LUC7L2: variants seen among roughly 807,000 people sequenced by gnomAD.
LUC7L2 encodes the protein LUC7 like 2, pre-mRNA splicing factor.
In LUC7L2, 25 loss-of-function variants were observed where a neutral mutation model predicts 52.8. That is an observed-to-expected ratio of 0.47 (90% CI 0.34 to 0.66). LUC7L2 has a LOEUF of 0.66. LUC7L2 is among the 30% of genes least tolerant of loss of function. The pLI is 0.01. For synonymous variants in LUC7L2, 144 were observed against 160.9 expected (o/e 0.89, Z 0.80); for missense variants, 328 against 497.8 (o/e 0.66, Z 3.25).
chr7:139,392,036 C>G (rs1339127546), intron 2 of LUC7L2, among the ~76,000 whole-genome samples: 1 of 152,164 alleles, frequency 6.6e-6, no homozygotes, highest in African/African-American at 2.4e-5. Context: ...GCCACCTTCT[C>G]TTTTCTCCAC....
At position 139,402,157 on chromosome 7, in the gene LUC7L2, A is replaced by G. The variant is rs149194310; in HGVS notation, c.276A>G (p.Ser92=). ...FELDAMDHLQ[S]FIADCDRRTE... is the part of the protein sequence containing the mutation. Reference sequence around the variant, plus strand: ...TGTAGGCCATGGATCATCTGCAGTCATTCATTGCAGATTGTGATCGTAGAA... The same window carrying G: ...TGTAGGCCATGGATCATCTGCAGTCGTTCATTGCAGATTGTGATCGTAGAA... Residue 92 remains serine, a synonymous_variant, in exon 4 of 10, where the codon TCA becomes TCG. Transcript: ENST00000354926. 7.0e-3 allele frequency: 11,270 copies of G among 1,604,890 alleles called. 48 individuals are homozygous for G. Among genetic ancestry groups the G allele is most frequent in the Non-Finnish European group, 8.8e-3 (10,393 of 1,177,384 alleles).
chr7:139,382,396 A>ATTTT (rs35262956), intron 2 of LUC7L2, among the ~76,000 whole-genome samples: 1 of 150,654 alleles, frequency 6.6e-6, no homozygotes, highest in South Asian at 2.1e-4. Flanking sequence ...TTATTTATTT[A>ATTTT]TTTTTTGAGA....
chr7:139,365,285 C>T (rs1173201107), intron 1 of LUC7L2, among the ~76,000 whole-genome samples: 1 of 152,160 alleles, frequency 6.6e-6, no homozygotes, highest in Non-Finnish European at 1.5e-5. Context: ...GTTTAGTTCT[C>T]CTCAAGTAAG....
At chr7:139,343,013 T>A (rs1200831249) in intron 1 of LUC7L2, among the ~76,000 whole-genome samples, 2 of 152,214 alleles carry the variant, frequency 1.3e-5, no homozygotes, top group African/African-American at 4.8e-5. Flanking sequence ...AAACCTACCC[T>A]TTCTCCACAG....
intron 8 of LUC7L2, 69 bp from the exon 9 acceptor site, chr7:139,417,464 TAAAGA>T (rs1795672528): frequency 1.3e-6 from 2 of 1,532,224 alleles, no homozygotes; most frequent in African/African-American, 2.8e-5. Context: ...AGTTTCTCTT[TAAAGA>T]AAAGGCTTTA....
chr7:139,371,039 C>T (rs1800425114), intron 1 of LUC7L2, among the ~76,000 whole-genome samples: 1 of 151,582 alleles, frequency 6.6e-6, no homozygotes. Context: ...CTGTCCTGTC[C>T]CAAGCCCACT....
At chr7:139,343,946 AG>A in intron 1 of LUC7L2, among the ~76,000 whole-genome samples, 1 of 150,566 alleles carries the variant, frequency 6.6e-6, no homozygotes, top group African/African-American at 2.4e-5. Flanking sequence ...AAAAAAAAAA[AG>A]AGTTGGTGGG....
chr7:139,359,417 C>A (rs990227668), upstream of LUC7L2: 5 of 166,220 alleles, frequency 3.0e-5, no homozygotes, highest in Admixed American at 3.2e-4. Flanking sequence ...CCGGCGGCGG[C>A]GAGACAGGCC....
intron 2 of LUC7L2, among the ~76,000 whole-genome samples, chr7:139,388,276 G>A (rs1338439314): frequency 6.6e-6 from 1 of 151,876 alleles, no homozygotes; most frequent in Non-Finnish European, 1.5e-5. Context: ...GGTCAGAAAT[G>A]GTTATAAAAA....
chr7:139,391,332 TG>T (rs1794440345), intron 2 of LUC7L2, among the ~76,000 whole-genome samples: 1 of 152,224 alleles, frequency 6.6e-6, no homozygotes. Flanking sequence ...GTTCAGGATC[TG>T]GTTCTTAGAA....
chr7:139,387,040 A>G (rs1585102157), intron 2 of LUC7L2, among the ~76,000 whole-genome samples: 1 of 151,730 alleles, frequency 6.6e-6, no homozygotes, highest in Non-Finnish European at 1.5e-5. Flanking sequence ...GGGTTTCACC[A>G]TGTTGGCCAG....
chr7:139,358,749 ATC>A, upstream of LUC7L2, among the ~76,000 whole-genome samples: 1 of 152,102 alleles, frequency 6.6e-6, no homozygotes, highest in Non-Finnish European at 1.5e-5. Context: ...CAGTGGCGTC[ATC>A]TCGACTCACT....
intron 7 of LUC7L2, among the ~76,000 whole-genome samples, chr7:139,411,881 T>A (rs553162892): frequency 6.6e-6 from 1 of 152,012 alleles, no homozygotes; most frequent in Non-Finnish European, 1.5e-5. Context: ...ATGACAGATA[T>A]AAAAGAATTT....
At chr7:139,356,253 T>C (rs2131164951), upstream of LUC7L2, among the ~76,000 whole-genome samples, 1 of 138,302 alleles carries the variant, frequency 7.2e-6, no homozygotes, top group African/African-American at 2.6e-5. Context: ...AAGGCTGCAG[T>C]GAGCCAAGGC....
chr7:139,352,627 C>T (rs1455940854), intron 1 of LUC7L2, among the ~76,000 whole-genome samples: 2 of 152,318 alleles, frequency 1.3e-5, no homozygotes, highest in East Asian at 3.9e-4. Context: ...GTCATTTCTC[C>T]TCTCCACAAA....
At chr7:139,408,824 A>G (rs932711527) in intron 6 of LUC7L2, among the ~76,000 whole-genome samples, 1 of 148,514 alleles carries the variant, frequency 6.7e-6, no homozygotes, top group African/African-American at 2.5e-5. Context: ...CCTGGGCGAC[A>G]GAGCGAGACT....
chr7:139,340,740 C>T (rs1798899522), intron 1 of LUC7L2: 1 of 380,778 alleles, frequency 2.6e-6, no homozygotes, highest in Non-Finnish European at 4.6e-6. Flanking sequence ...CCTCCTAAGC[C>T]AGGGATTGTG....
chr7:139,400,141 G>C (rs1032705330), intron 3 of LUC7L2, among the ~76,000 whole-genome samples: 1 of 66,556 alleles, frequency 1.5e-5, no homozygotes, highest in African/African-American at 4.1e-4. Flanking sequence ...TGGCCTTGCG[G>C]GGGTATTTTT....
intron 4 of LUC7L2, among the ~76,000 whole-genome samples, chr7:139,403,985 T>C (rs1404459201): frequency 1.3e-5 from 2 of 152,174 alleles, no homozygotes; most frequent in Non-Finnish European, 2.9e-5. Flanking sequence ...TGGTACACAA[T>C]TACATGGTCA....
Sources: allele counts gnomAD v4.1 joint callset (sites outside exome capture counted in the v4.1 genomes callset), GRCh38; gene constraint gnomAD v4.1.1; transcripts MANE v1.5; gene names NCBI Gene and HGNC (gene_info 2026-07-23, HGNC 2026-07-21).